Variants in CHD6 observed in about 807,000 individuals in gnomAD.
CHD6 encodes chromodomain helicase DNA binding protein 6.
CHD6 carries 50 observed loss-of-function variants against 276.9 expected under a neutral mutation model. That is an observed-to-expected ratio of 0.18 (90% CI 0.14 to 0.23). CHD6 has a LOEUF of 0.23. Ranked by LOEUF, CHD6 falls within the 10% of genes least tolerant of loss-of-function variation. CHD6 has a pLI of 1.00. For missense variants in CHD6, 2,564 were observed against 3,365.8 expected (o/e 0.76, Z 5.89); for synonymous variants, 1,173 against 1,229.3 (o/e 0.95, Z 0.96).
At chr20:41,525,268 C>G (rs2044501890) in intron 3 of CHD6, among the ~76,000 whole-genome samples, 1 of 152,180 alleles carries the variant, frequency 6.6e-6, no homozygotes, top group African/African-American at 2.4e-5. Context: ...GAGCCCTAGC[C>G]CCTTCCCCAG....
chr20:41,429,591 AAAAG>A (rs2047470750), intron 27 of CHD6, among the ~76,000 whole-genome samples: 1 of 152,222 alleles, frequency 6.6e-6, no homozygotes, highest in Admixed American at 6.5e-5. Context: ...ATTTCACCTG[AAAAG>A]AAATTTAAAG....
chr20:41,497,839 T>C, intron 7 of CHD6: 1 of 442,974 alleles, frequency 2.3e-6, no homozygotes, highest in Non-Finnish European at 4.1e-6. Context: ...AAAGAGCATA[T>C]GCTACAGGAG....
At chr20:41,588,471 G>A (rs2045619919) in intron 1 of CHD6, among the ~76,000 whole-genome samples, 1 of 152,076 alleles carries the variant, frequency 6.6e-6, no homozygotes, top group African/African-American at 2.4e-5. Flanking sequence ...ACTAACCTCT[G>A]CTTTTGTCTT....
At chr20:41,497,949 T>C in intron 7 of CHD6, 1 of 528,656 alleles carries the variant, frequency 1.9e-6, no homozygotes, top group South Asian at 2.3e-5. Context: ...TGGTCTTGGG[T>C]GGAGCAAAGG....
At chr20:41,410,998 C>T (rs866559052) in intron 36 of CHD6, among the ~76,000 whole-genome samples, 30 of 152,036 alleles carry the variant, frequency 2.0e-4, no homozygotes, top group African/African-American at 6.5e-4. Context: ...TGAACTAGCT[C>T]GTACTGCTCA....
chr20:41,434,167 C>G (rs1170368478), intron 27 of CHD6, among the ~76,000 whole-genome samples: 3 of 152,012 alleles, frequency 2.0e-5, no homozygotes, highest in African/African-American at 7.3e-5. Flanking sequence ...TGTATGCTAT[C>G]TATAGGAAAC....
intron 25 of CHD6, among the ~76,000 whole-genome samples, chr20:41,444,298 G>C (rs2047995869): frequency 6.6e-6 from 1 of 152,148 alleles, no homozygotes; most frequent in African/African-American, 2.4e-5. Flanking sequence ...TAGCTACATG[G>C]GGCTATTTAA....
chr20:41,413,805 C>T (rs1351527444), intron 34 of CHD6: 1 of 244,058 alleles, frequency 4.1e-6, no homozygotes, highest in African/African-American at 2.2e-5. Flanking sequence ...CCTCTGTCAC[C>T]ACTGCCCACT....
chr20:41,546,256 G>T (rs1347777223), intron 2 of CHD6, among the ~76,000 whole-genome samples: 1 of 152,110 alleles, frequency 6.6e-6, no homozygotes, highest in Admixed American at 6.5e-5. Flanking sequence ...TATATCTGAA[G>T]AAAACTCTTC....
intron 3 of CHD6, among the ~76,000 whole-genome samples, chr20:41,526,808 G>A (rs1407585544): frequency 6.6e-6 from 1 of 152,010 alleles, no homozygotes; most frequent in African/African-American, 2.4e-5. Flanking sequence ...CTTTCACCTG[G>A]GAAACATGTT....
rs777527158 is a variant in CHD6 at position 41,484,434 on chromosome 20, C to T, written c.2175G>A (p.Gly725=). Residue 725 remains glycine (G), a synonymous_variant, in exon 15 of 37, where the codon GGG becomes GGA. Transcript: ENST00000373233. The part of the protein sequence containing the change: ...LEKNFSFLTK[G]ANQHNMPNLI... The stretch of plus-strand genomic sequence containing the variant: ...GATTGGGCATGTTGTGCTGATTTGC[C>T]CCCTTGGTCAGGAAGGAAAAGTTCT... 2.5e-6 allele frequency: 4 copies of T among 1,613,752 alleles called. No homozygotes were observed. Among genetic ancestry groups the T allele is most frequent in the East Asian group, 2.2e-5 (1 of 44,874 alleles).
intron 3 of CHD6, among the ~76,000 whole-genome samples, chr20:41,522,691 A>C (rs1432082261): frequency 6.6e-6 from 1 of 151,878 alleles, no homozygotes; most frequent in African/African-American, 2.4e-5. Context: ...TATTTATTGA[A>C]ATAAGTTTAT....
chr20:41,549,103 G>C (rs1394160046), intron 2 of CHD6, among the ~76,000 whole-genome samples: 1 of 151,958 alleles, frequency 6.6e-6, no homozygotes, highest in Non-Finnish European at 1.5e-5. Flanking sequence ...CAGGGATCTA[G>C]AACTAGAAAT....
intron 2 of CHD6, among the ~76,000 whole-genome samples, chr20:41,538,492 T>C (rs1042692590): frequency 6.6e-6 from 1 of 152,160 alleles, no homozygotes; most frequent in African/African-American, 2.4e-5. Context: ...TATGAAATGC[T>C]CAGCAAAAAA....
intron 33 of CHD6, 78 bp downstream of exon 33, chr20:41,416,510 G>T: frequency 7.4e-7 from 1 of 1,347,926 alleles, no homozygotes; most frequent in Non-Finnish European, 1.0e-6. Flanking sequence ...AATACTTGCT[G>T]AATGAATGAA....
intron 15 of CHD6, 143 bp downstream of exon 15, chr20:41,484,209 C>G: frequency 9.2e-7 from 1 of 1,082,598 alleles, no homozygotes; most frequent in Non-Finnish European, 1.3e-6. Flanking sequence ...CTCTCTGAAT[C>G]TCAGTTTTAT....
chr20:41,525,247 T>C (rs369897230), intron 3 of CHD6, among the ~76,000 whole-genome samples: 1 of 152,196 alleles, frequency 6.6e-6, no homozygotes, highest in South Asian at 2.1e-4. Flanking sequence ...GTGGGTGTCA[T>C]TCCTTATATG....
chr20:41,481,120 A>AAT lies in CHD6; in HGVS notation c.2468+2187_2468+2188dup, dbSNP rs954195879. Among the ~76,000 whole-genome samples the AAT allele has an allele frequency of 3.5e-3, 521 of 150,208 alleles. 4 individuals are homozygous for AAT. Among genetic ancestry groups the AAT allele is most frequent in the African/African-American group, 9.7e-3 (398 of 41,044 alleles). On this transcript the variant is annotated intron_variant, in intron 16 of 36. Transcript: ENST00000373233. Reference sequence around the variant, plus strand: ...ACATTGTCTCAGAAAAAGAAAAAAAAATATATATATATATACACTTCAGAA... The same window carrying AAT: ...ACATTGTCTCAGAAAAAGAAAAAAAAATATATATATATATATACACTTCAGAA...
At chr20:41,442,831 G>A (rs1241458546) in intron 25 of CHD6, among the ~76,000 whole-genome samples, 1 of 152,180 alleles carries the variant, frequency 6.6e-6, no homozygotes, top group Non-Finnish European at 1.5e-5. Flanking sequence ...GGACTCTGGC[G>A]GGTGCCAAAG....
Sources: gnomAD v4.1 joint callset for allele counts (sites outside exome capture counted in the v4.1 genomes callset) on GRCh38, gnomAD v4.1.1 for gene constraint, MANE v1.5 for transcripts, NCBI Gene and HGNC (gene_info 2026-07-23, HGNC 2026-07-21) for gene names.